Variants in TNIP3 observed in about 807,000 individuals in gnomAD.
The protein encoded by TNIP3 is TNFAIP3-interacting protein 3.
In TNIP3, 34 loss-of-function variants were observed where a neutral mutation model predicts 54.1. That is an observed-to-expected ratio of 0.63 (90% confidence interval 0.48 to 0.84). The LOEUF (loss-of-function observed/expected upper bound fraction) is 0.84. Among genes scored for constraint, TNIP3 ranks in the 40% least tolerant of loss-of-function variants. The pLI is 0.00. For synonymous variants in TNIP3, 134 were observed against 136.8 expected (o/e 0.98, Z 0.14); for missense variants, 366 against 387.6 (o/e 0.94, Z 0.47).
chr4:121,160,781 A>C (rs552498730), intron 2 of TNIP3, among the ~76,000 whole-genome samples: 1 of 152,346 alleles, frequency 6.6e-6, no homozygotes, highest in Admixed American at 6.5e-5. Context: ...AGGTGTGTCA[A>C]GTTGCAAGGC....
intron 2 of TNIP3, among the ~76,000 whole-genome samples, chr4:121,209,162 G>A (rs1485701382): frequency 6.6e-6 from 1 of 152,232 alleles, no homozygotes; most frequent in African/African-American, 2.4e-5. Flanking sequence ...CTGTGTGACA[G>A]CATCCCCATG....
upstream of TNIP3, among the ~76,000 whole-genome samples, chr4:121,219,851 T>A (rs929485841): frequency 6.6e-6 from 1 of 152,226 alleles, no homozygotes; most frequent in African/African-American, 2.4e-5. Flanking sequence ...GGCATATTTA[T>A]TTAAATAAAA....
At chr4:121,133,237 C>T (rs1728580381) in intron 10 of TNIP3, among the ~76,000 whole-genome samples, 2 of 152,058 alleles carry the variant, frequency 1.3e-5, no homozygotes, top group Admixed American at 1.3e-4. Flanking sequence ...CATAGAAATG[C>T]CAAGAAACAA....
intron 2 of TNIP3, among the ~76,000 whole-genome samples, chr4:121,185,161 T>C (rs1263042026): frequency 6.6e-6 from 1 of 152,222 alleles, no homozygotes; most frequent in Non-Finnish European, 1.5e-5. Context: ...TCAAATGATC[T>C]CGTTTCCTTG....
At chr4:121,199,546 T>A (rs1046638468) in intron 2 of TNIP3, among the ~76,000 whole-genome samples, 6 of 152,136 alleles carry the variant, frequency 3.9e-5, no homozygotes, top group Admixed American at 3.3e-4. Flanking sequence ...TGATTAAAGA[T>A]TTCAACCCAT....
intron 2 of TNIP3, among the ~76,000 whole-genome samples, chr4:121,195,158 G>A (rs1725507358): frequency 6.6e-6 from 1 of 150,670 alleles, no homozygotes; most frequent in Non-Finnish European, 1.5e-5. Context: ...GGGTGAAAAA[G>A]CAAACAAAAC....
At chr4:121,152,563 T>C (rs77966215) in intron 5 of TNIP3, among the ~76,000 whole-genome samples, 1 of 152,268 alleles carries the variant, frequency 6.6e-6, no homozygotes, top group East Asian at 1.9e-4. Context: ...ATTAAATTCA[T>C]CCATTCACCC....
intron 2 of TNIP3, among the ~76,000 whole-genome samples, chr4:121,183,428 A>G (rs1724828561): frequency 6.6e-6 from 1 of 152,228 alleles, no homozygotes; most frequent in Non-Finnish European, 1.5e-5. Flanking sequence ...GCTCATAGTC[A>G]CATGGCCATT....
At chr4:121,145,780 T>A (rs922860891) in intron 7 of TNIP3, among the ~76,000 whole-genome samples, 1 of 151,882 alleles carries the variant, frequency 6.6e-6, no homozygotes, top group Non-Finnish European at 1.5e-5. Flanking sequence ...AGTAAAACAG[T>A]TTGTGCAGAG....
At chr4:121,213,816 G>C (rs1726623100) in intron 2 of TNIP3, among the ~76,000 whole-genome samples, 1 of 151,666 alleles carries the variant, frequency 6.6e-6, no homozygotes, top group Non-Finnish European at 1.5e-5. Context: ...TTAAAATGAG[G>C]AACTGGTATT....
At chr4:121,140,812 G>T (rs370425095) in intron 9 of TNIP3, among the ~76,000 whole-genome samples, 1 of 152,114 alleles carries the variant, frequency 6.6e-6, no homozygotes, top group African/African-American at 2.4e-5. Flanking sequence ...CTAGCAACCC[G>T]CAATAACATG....
chr4:121,177,494 G>A (rs903477356), intron 3 of TNIP3, among the ~76,000 whole-genome samples: 1 of 152,074 alleles, frequency 6.6e-6, no homozygotes, highest in Non-Finnish European at 1.5e-5. Flanking sequence ...AATAGTAGTT[G>A]AACAAAAAGG....
chr4:121,183,318 A>G (rs1341275366), intron 2 of TNIP3, among the ~76,000 whole-genome samples: 1 of 152,218 alleles, frequency 6.6e-6, no homozygotes, highest in Admixed American at 6.5e-5. Flanking sequence ...CAAATCCCTA[A>G]GCAGCTACTT....
chr4:121,132,704 C>A, intron 10 of TNIP3, 42 bp from the exon 11 acceptor site: 1 of 1,537,420 alleles, frequency 6.5e-7, no homozygotes, highest in East Asian at 2.3e-5. Flanking sequence ...TAAAAATTAA[C>A]ATTTCATTTC....
chr4:121,161,269 C>A (rs1027264991), intron 1 of TNIP3, 53 bp from the exon 2 acceptor site: 1 of 1,463,358 alleles, frequency 6.8e-7, no homozygotes, highest in African/African-American at 1.4e-5. Context: ...ACAAAATAAA[C>A]AGAAGTACTG....
At chr4:121,152,425 G>T (rs1729815928) in intron 5 of TNIP3, among the ~76,000 whole-genome samples, 1 of 152,056 alleles carries the variant, frequency 6.6e-6, no homozygotes, top group South Asian at 2.1e-4. Flanking sequence ...ATAGATGTGG[G>T]ATGAAGTCTT....
chr4:121,166,161 G>C (rs1199512687), upstream of TNIP3, among the ~76,000 whole-genome samples: 1 of 152,190 alleles, frequency 6.6e-6, no homozygotes, highest in Admixed American at 6.5e-5. Flanking sequence ...TGTTAGGTGT[G>C]ATGGCTTCTA....
At chr4:121,177,686 T>A (rs755750835) in intron 3 of TNIP3, among the ~76,000 whole-genome samples, 38 of 152,250 alleles carry the variant, frequency 2.5e-4, no homozygotes, top group Non-Finnish European at 5.4e-4. Context: ...CTCCCTGTCA[T>A]TGGCTCACGC....
chr4:121,159,806 A>G lies in TNIP3; in HGVS notation c.148-1054T>C, dbSNP rs934002876. On this transcript the variant is annotated intron_variant, in intron 2 of 10. Transcript: ENST00000057513. ...TATGTGGTTGGCTTTTTGTTGGGGA[A>G]GTTTGTAGTTTTCTGCATTAAGAGA... Among the ~76,000 whole-genome samples, 28 of 152,344 alleles carry G rather than the reference A, an allele frequency of 1.8e-4. 1 individual carries two copies. The highest frequency in any genetic ancestry group is 1.4e-3 in the Admixed American group (22 of 15,302).
Sources: allele counts gnomAD v4.1 joint callset (sites outside exome capture counted in the v4.1 genomes callset), GRCh38; gene constraint gnomAD v4.1.1; transcripts MANE v1.5; gene names NCBI Gene and HGNC (gene_info 2026-07-23, HGNC 2026-07-21).